The following ATF7IP variants were observed in gnomAD, a reference collection of about 807,000 sequenced individuals.
The protein encoded by ATF7IP is activating transcription factor 7-interacting protein 1.
Under a neutral mutation model 106.4 loss-of-function variants are expected in ATF7IP, and 23 were observed. The ratio of observed to expected loss-of-function variants is 0.22; its 90% confidence interval spans 0.16 to 0.31. ATF7IP has a LOEUF of 0.31. Ranked by LOEUF, ATF7IP falls within the 10% of genes least tolerant of loss-of-function variation. The pLI is 1.00. For synonymous variants in ATF7IP, 542 were observed against 539.0 expected, an observed-to-expected ratio of 1.01 and a Z score of -0.08; for missense variants, 1,334 against 1,524.3, an observed-to-expected ratio of 0.88 and a Z score of 2.08.
chr12:14,376,896 A>C (rs1481371731), intron 1 of ATF7IP, among the ~76,000 whole-genome samples: 3 of 151,898 alleles, frequency 2.0e-5, no homozygotes, highest in Admixed American at 2.0e-4. Flanking sequence ...ACTACACTCC[A>C]GCGTGGGTGA....
At chr12:14,412,346 T>G (rs1033431822) in intron 1 of ATF7IP, among the ~76,000 whole-genome samples, 1 of 152,198 alleles carries the variant, frequency 6.6e-6, no homozygotes, top group Non-Finnish European at 1.5e-5. Context: ...ATAGAGATTG[T>G]TTTGAACCTG....
chr12:14,421,282 G>T (rs1461235013), intron 1 of ATF7IP, among the ~76,000 whole-genome samples: 2 of 152,136 alleles, frequency 1.3e-5, no homozygotes, highest in African/African-American at 4.8e-5. Context: ...GTAATCCTTT[G>T]TTGATTTTGT....
At position 14,501,335 on chromosome 12, in the gene ATF7IP, A is replaced by AC. The variant is rs566280290; in HGVS notation, c.*3264dup. On this transcript the variant is annotated 3_prime_UTR_variant, in exon 15 of 15. Transcript: ENST00000261168. ...GAAATTCTGGAAACCTGATACTGCA[A>AC]CCTGCAATGTAGGATGTTTGTATGG... 27 of 152,302 alleles carry AC rather than the reference A, an allele frequency of 1.8e-4. No homozygotes were observed. In the South Asian group the frequency reaches 5.6e-3, roughly 32 times the overall value. The allele number at this position is 152,302 out of a possible 1,614,324, so 9.4% of individuals were successfully genotyped here.
intron 8 of ATF7IP, among the ~76,000 whole-genome samples, chr12:14,459,796 T>G (rs2136717913): frequency 6.6e-6 from 1 of 152,346 alleles, no homozygotes; most frequent in South Asian, 2.1e-4. Flanking sequence ...TAAACACAAG[T>G]AGTTGAAAAT....
chr12:14,411,839 G>A (rs1007545933), intron 1 of ATF7IP, among the ~76,000 whole-genome samples: 3 of 151,478 alleles, frequency 2.0e-5, no homozygotes, highest in Non-Finnish European at 2.9e-5. Context: ...TTCTCTTTGG[G>A]TCATATCTAA....
intron 13 of ATF7IP, chr12:14,482,235 C>T (rs1944455174): frequency 6.6e-6 from 1 of 152,014 alleles, no homozygotes; most frequent in East Asian, 1.9e-4. Flanking sequence ...ATGATTTTGC[C>T]ACCAAAATTG....
rs1941702866 is a variant in ATF7IP at position 14,424,258 on chromosome 12, C to T, written c.343C>T (p.His115Tyr). ...TTTAAATTGTGAACCTTTGTCTCCC[C>T]ATAATATAACTCCAGAACCAGTCTC... ...DDLNCEPLSP[H>Y]NITPEPVSKL... The change falls in exon 2 of 15, where the codon CAT (histidine) becomes TAT (tyrosine). Residue 115 changes from histidine to tyrosine, a missense_variant. Transcript: ENST00000261168. 6.2e-7 allele frequency: 1 copy of T among 1,614,066 alleles called. No individual in the cohort carries two copies. The highest frequency in any genetic ancestry group is 1.3e-5 in the African/African-American group (1 of 74,920).
chr12:14,391,566 C>T (rs768292131), intron 1 of ATF7IP, among the ~76,000 whole-genome samples: 5 of 152,082 alleles, frequency 3.3e-5, no homozygotes, highest in African/African-American at 4.8e-5. Context: ...TGAGATGGGT[C>T]GTTGGAAGAA....
intron 13 of ATF7IP, among the ~76,000 whole-genome samples, chr12:14,489,088 G>C (rs1386455563): frequency 1.3e-5 from 2 of 152,138 alleles, no homozygotes; most frequent in Non-Finnish European, 2.9e-5. Context: ...ACTCCTGGTG[G>C]AGTGACCCCA....
intron 1 of ATF7IP, chr12:14,420,594 A>T (rs1941450650): frequency 6.6e-6 from 1 of 152,464 alleles, no homozygotes. Context: ...ACGCCACTGC[A>T]CTCCAGCCTG....
chr12:14,481,681 T>A, intron 13 of ATF7IP: 1 of 428,122 alleles, frequency 2.3e-6, no homozygotes. Context: ...AATTTAACTT[T>A]ATTTATGGCC....
intron 10 of ATF7IP, among the ~76,000 whole-genome samples, chr12:14,472,542 T>C (rs1470839858): frequency 6.6e-6 from 1 of 152,098 alleles, no homozygotes; most frequent in East Asian, 1.9e-4. Flanking sequence ...TGCCCTTTCT[T>C]TCCTGAAACC....
In ATF7IP at chr12:14,458,225, C is replaced by T. The variant is rs986505875; in HGVS notation, c.2158+930C>T. 4.6e-5 allele frequency among the ~76,000 whole-genome samples: 7 copies of T among 152,080 alleles called. No homozygotes were observed. The South Asian group carries it at 6.2e-4, about 14-fold the overall frequency. On this transcript the variant is annotated intron_variant, in intron 8 of 14. Coordinates refer to ENST00000261168, the MANE Select transcript of ATF7IP (RefSeq NM_018179.5). ...AGCTTAAAAATAGCAGCACAAAGAG[C>T]ATTATTCTCTTACATTTTTTACATA... is the stretch of plus-strand genomic sequence containing the variant.
chr12:14,494,815 C>G (rs1944959805), intron 13 of ATF7IP, among the ~76,000 whole-genome samples: 1 of 150,912 alleles, frequency 6.6e-6, no homozygotes, highest in African/African-American at 2.4e-5. Context: ...AGCCTGTAAT[C>G]TCACCTACTT....
intron 1 of ATF7IP, among the ~76,000 whole-genome samples, chr12:14,387,714 G>T (rs1413406732): frequency 6.6e-6 from 1 of 152,130 alleles, no homozygotes; most frequent in Admixed American, 6.5e-5. Context: ...TTTGGGATTG[G>T]TGATAGTTCT....
At chr12:14,388,078 T>A (rs10845992) in intron 1 of ATF7IP, among the ~76,000 whole-genome samples, 79,938 of 147,360 alleles carry the variant, frequency 0.54, 22,334 homozygotes, top group African/African-American at 0.66. Context: ...CGATGATGCT[T>A]CCTCGGCTCA....
intron 1 of ATF7IP, among the ~76,000 whole-genome samples, chr12:14,379,608 A>G (rs566560947): frequency 4.6e-5 from 7 of 152,286 alleles, no homozygotes; most frequent in African/African-American, 9.6e-5. Flanking sequence ...GAAAGGGTGC[A>G]TGGGAGATAC....
rs542564452 is a variant in ATF7IP, at chr12:14,411,562, GA to G, written c.-7-12337del. Reference sequence around the variant, plus strand: ...AATAATTTTAAAAAAAACAGAAAAAGAAAAAAAAAAGCCTTTTTGTGGAAAT... The same window carrying G: ...AATAATTTTAAAAAAAACAGAAAAAGAAAAAAAAAGCCTTTTTGTGGAAAT... On this transcript the variant is annotated intron_variant, in intron 1 of 14. Coordinates refer to ENST00000261168, the MANE Select transcript of ATF7IP (RefSeq NM_018179.5). Among the ~76,000 whole-genome samples, 134 of 144,532 alleles carry G rather than the reference GA, an allele frequency of 9.3e-4. 1 individual carries two copies. The highest frequency in any genetic ancestry group is 2.3e-3 in the Admixed American group (34 of 14,538). The allele number at this position is 144,532 out of a possible 152,430, so 94.8% of individuals were successfully genotyped here. A position where few individuals can be genotyped will look rare whatever the true frequency, so the allele number is the denominator to read the frequency against.
At chr12:14,464,918 C>T (rs925527431) in intron 9 of ATF7IP, among the ~76,000 whole-genome samples, 1 of 151,964 alleles carries the variant, frequency 6.6e-6, no homozygotes, top group Admixed American at 6.6e-5. Context: ...AATGTTATGA[C>T]AAAAAATAAA....
Sources: gnomAD v4.1 joint callset for allele counts (sites outside exome capture counted in the v4.1 genomes callset) on GRCh38, gnomAD v4.1.1 for gene constraint, MANE v1.5 for transcripts, NCBI Gene and HGNC (gene_info 2026-07-23, HGNC 2026-07-21) for gene names.